Variants in SPIRE1 observed in about 807,000 individuals in gnomAD.
The protein encoded by SPIRE1 is protein spire homolog 1.
SPIRE1 carries 40 observed loss-of-function variants against 94.1 expected under a neutral mutation model. That is an observed-to-expected ratio of 0.43 (90% CI 0.33 to 0.55). The LOEUF (loss-of-function observed/expected upper bound fraction) is 0.55. Among genes scored for constraint, SPIRE1 ranks in the 20% least tolerant of loss-of-function variants. The pLI, the probability that SPIRE1 is intolerant of heterozygous loss-of-function variation, is 0.06. For missense variants in SPIRE1, 838 were observed against 975.2 expected, an observed-to-expected ratio of 0.86 and a Z score of 1.87; for synonymous variants, 376 against 371.7, an observed-to-expected ratio of 1.01 and a Z score of -0.13.
At chr18:12,501,822 TG>T (rs1464129363) in intron 6 of SPIRE1, among the ~76,000 whole-genome samples, 1 of 152,186 alleles carries the variant, frequency 6.6e-6, no homozygotes, top group African/African-American at 2.4e-5. Context: ...AATTGCCATA[TG>T]TGGTGGTGCA....
intron 16 of SPIRE1, 42 bp from the exon 17 acceptor site, chr18:12,449,938 AG>A: frequency 6.3e-7 from 1 of 1,580,554 alleles, no homozygotes. Context: ...TGTTACTTAT[AG>A]GTCTGCTGCA....
chr18:12,564,768 T>TA (rs550548991), intron 2 of SPIRE1, among the ~76,000 whole-genome samples: 1 of 151,712 alleles, frequency 6.6e-6, no homozygotes, highest in Admixed American at 6.6e-5. Context: ...TCCTGAGAAT[T>TA]AAAAAAAACT....
At chr18:12,525,495 G>GT (rs1482796804) in intron 4 of SPIRE1, among the ~76,000 whole-genome samples, 3 of 151,602 alleles carry the variant, frequency 2.0e-5, no homozygotes, top group Non-Finnish European at 4.4e-5. Flanking sequence ...CATTTCATCT[G>GT]TTTAAGAAAA....
At chr18:12,638,995 C>T (rs1005504546) in intron 1 of SPIRE1, among the ~76,000 whole-genome samples, 1 of 152,164 alleles carries the variant, frequency 6.6e-6, no homozygotes, top group African/African-American at 2.4e-5. Context: ...TATAGCAATG[C>T]AAGAATGGAC....
At chr18:12,607,596 T>TACACACATAC in intron 2 of SPIRE1, among the ~76,000 whole-genome samples, 1 of 146,340 alleles carries the variant, frequency 6.8e-6, no homozygotes, top group African/African-American at 2.6e-5. Flanking sequence ...TCCACAGCAC[T>TACACACATAC]ACACACACAC....
intron 2 of SPIRE1, among the ~76,000 whole-genome samples, chr18:12,617,267 T>A (rs2037337379): frequency 6.6e-6 from 1 of 150,502 alleles, no homozygotes; most frequent in Non-Finnish European, 1.5e-5. Flanking sequence ...CAGGCTGGAG[T>A]GCAGTGGTGT....
intron 2 of SPIRE1, among the ~76,000 whole-genome samples, chr18:12,552,002 CT>C (rs1340353686): frequency 1.3e-5 from 2 of 152,186 alleles, no homozygotes; most frequent in Non-Finnish European, 2.9e-5. Context: ...AATTGTGAGA[CT>C]TTGCACCGAA....
chr18:12,583,115 A>T (rs2036300729), intron 2 of SPIRE1, among the ~76,000 whole-genome samples: 2 of 152,254 alleles, frequency 1.3e-5, no homozygotes, highest in Non-Finnish European at 2.9e-5. Flanking sequence ...TGGATGAAAC[A>T]TGACAGATGG....
chr18:12,472,240 A>G (rs536677741), intron 10 of SPIRE1, among the ~76,000 whole-genome samples: 2 of 152,284 alleles, frequency 1.3e-5, no homozygotes, highest in African/African-American at 4.8e-5. Context: ...AATGCTTGAG[A>G]CTGGGAGTTC....
chr18:12,650,475 C>T (rs1479168512), intron 1 of SPIRE1, among the ~76,000 whole-genome samples: 1 of 151,802 alleles, frequency 6.6e-6, no homozygotes, highest in Non-Finnish European at 1.5e-5. Flanking sequence ...CTTTGGGAGG[C>T]CGAGGTGGGT....
chr18:12,622,225 C>A (rs888942101), intron 2 of SPIRE1, among the ~76,000 whole-genome samples: 11 of 152,090 alleles, frequency 7.2e-5, no homozygotes, highest in African/African-American at 1.7e-4. Flanking sequence ...TATTATGGTA[C>A]CAATTAATTA....
chr18:12,579,058 T>TA (rs376763513), intron 2 of SPIRE1, among the ~76,000 whole-genome samples: 1 of 151,734 alleles, frequency 6.6e-6, no homozygotes, highest in African/African-American at 2.4e-5. Flanking sequence ...AATTTTTTTT[T>TA]AAAAAAAGTT....
chr18:12,581,849 A>G (rs1317405593), intron 2 of SPIRE1, among the ~76,000 whole-genome samples: 1 of 148,120 alleles, frequency 6.8e-6, no homozygotes. Flanking sequence ...GGGCATCAGA[A>G]TGAGACTGTT....
intron 16 of SPIRE1, chr18:12,450,863 C>G (rs1280103302): frequency 1.4e-6 from 1 of 730,726 alleles, no homozygotes; most frequent in Non-Finnish European, 2.5e-6. Flanking sequence ...TGAAAAGCAG[C>G]CTTACACCAC....
At chr18:12,627,632 ACT>A (rs1158858771) in intron 2 of SPIRE1, among the ~76,000 whole-genome samples, 1 of 152,228 alleles carries the variant, frequency 6.6e-6, no homozygotes, top group Admixed American at 6.5e-5. Flanking sequence ...GAATCGCCAC[ACT>A]GTCTTCCATA....
chr18:12,602,940 G>C (rs2036877655), intron 2 of SPIRE1, among the ~76,000 whole-genome samples: 1 of 152,162 alleles, frequency 6.6e-6, no homozygotes, highest in Admixed American at 6.5e-5. Context: ...TGATTTGTAG[G>C]TAAACATTTT....
In SPIRE1 at chr18:12,559,362, T is replaced by C. The variant is rs954053206; in HGVS notation, c.373-12458A>G. ...AAGCCTCTCATTGCCCGGGCCGGCG[T>C]CGCCAGCCGGCAGCTCTGAGTGCTG... On this transcript the variant is annotated intron_variant, in intron 2 of 16. Transcript: ENST00000409402. The surrounding 1 kb of genome is among the most constrained non-coding windows in gnomAD (Gnocchi z 4.7). Among the ~76,000 whole-genome samples the C allele has an allele frequency of 6.6e-6, 1 of 152,046 alleles. No individual in the cohort carries two copies. Among genetic ancestry groups the C allele is most frequent in the African/African-American group, 2.4e-5 (1 of 41,410 alleles).
intron 3 of SPIRE1, among the ~76,000 whole-genome samples, chr18:12,537,392 C>T (rs1378822166): frequency 2.3e-4 from 35 of 152,284 alleles, no homozygotes; most frequent in Admixed American, 2.2e-3. Flanking sequence ...TTTTCAACTG[C>T]TATCCACAGT....
intron 13 of SPIRE1, 23 bp from the exon 14 acceptor site, chr18:12,453,161 G>T: frequency 6.4e-7 from 1 of 1,562,208 alleles, no homozygotes; most frequent in Non-Finnish European, 8.7e-7. Flanking sequence ...AATTTAAGAG[G>T]AAAAAAAACA....
Sources: gnomAD v4.1 joint callset for allele counts (sites outside exome capture counted in the v4.1 genomes callset) on GRCh38, gnomAD v4.1.1 for gene constraint, Gnocchi (gnomAD v3.1) non-coding constraint, MANE v1.5 for transcripts, NCBI Gene and HGNC (gene_info 2026-07-23, HGNC 2026-07-21) for gene names.